The following ANKRD6 variants were observed in gnomAD, a reference collection of about 807,000 sequenced individuals.
ANKRD6 encodes the protein ankyrin repeat domain 6, also known as ankyrin repeat domain-containing protein 6.
ANKRD6 carries 56 observed loss-of-function variants against 82.3 expected under a neutral mutation model. The observed-to-expected ratio is 0.68, with a 90% CI of 0.55 to 0.85. ANKRD6 has a LOEUF of 0.85. Ranked by LOEUF, ANKRD6 falls within the 40% of genes least tolerant of loss-of-function variation. The pLI is 0.00. For synonymous variants in ANKRD6, 347 were observed against 352.1 expected (o/e 0.99, Z 0.16); for missense variants, 852 against 907.6 (o/e 0.94, Z 0.79).
At chr6:89,499,787 T>A (rs1306963918) in intron 1 of ANKRD6, among the ~76,000 whole-genome samples, 1 of 152,004 alleles carries the variant, frequency 6.6e-6, no homozygotes, top group Non-Finnish European at 1.5e-5. Context: ...ACCCTCACGG[T>A]CCCCTTTCCC....
At chr6:89,587,169 C>T (rs4269347) in intron 2 of ANKRD6, among the ~76,000 whole-genome samples, 44,077 of 139,106 alleles carry the variant, frequency 0.32, 7,324 homozygotes, top group East Asian at 0.61. Context: ...CTAGCCTGGG[C>T]GACAGAGTGA....
At chr6:89,614,854 A>AC (rs1554263273) in intron 7 of ANKRD6, among the ~76,000 whole-genome samples, 5 of 149,106 alleles carry the variant, frequency 3.4e-5, no homozygotes, top group South Asian at 4.2e-4. Context: ...AAAAAAAACA[A>AC]AAAAAAAAAC....
At chr6:89,502,279 G>GT (rs1250945327) in intron 1 of ANKRD6, among the ~76,000 whole-genome samples, 1 of 152,054 alleles carries the variant, frequency 6.6e-6, no homozygotes, top group Admixed American at 6.6e-5. Flanking sequence ...CATACTTAAC[G>GT]TAACTATAAT....
At chr6:89,573,275 T>A (rs73752772) in intron 2 of ANKRD6, among the ~76,000 whole-genome samples, 91 of 152,354 alleles carry the variant, frequency 6.0e-4, no homozygotes, top group African/African-American at 2.1e-3. Context: ...AATATATATC[T>A]TATTATTTTT....
intron 1 of ANKRD6, among the ~76,000 whole-genome samples, chr6:89,486,886 C>T (rs777862359): frequency 2.2e-4 from 33 of 152,198 alleles, no homozygotes; most frequent in Non-Finnish European, 2.9e-4. Context: ...ATTGTGAAGG[C>T]TTCACCCTCA....
intron 2 of ANKRD6, among the ~76,000 whole-genome samples, chr6:89,578,381 C>T (rs1410174447): frequency 1.3e-5 from 2 of 149,366 alleles, no homozygotes; most frequent in Admixed American, 1.3e-4. Context: ...CTGTAACCTC[C>T]ACCTCCCGGG....
intron 1 of ANKRD6, chr6:89,483,656 T>C (rs1044691921): frequency 6.6e-6 from 1 of 152,282 alleles, no homozygotes; most frequent in South Asian, 2.1e-4. Context: ...CTCTTTGGAA[T>C]GCGCTCTTTT....
intron 1 of ANKRD6, chr6:89,561,217 C>T (rs1787366277): frequency 6.6e-6 from 1 of 152,240 alleles, no homozygotes. Context: ...ACTGTAACAG[C>T]CTCTATGCCT....
intron 1 of ANKRD6, among the ~76,000 whole-genome samples, chr6:89,475,340 A>G (rs1057416973): frequency 6.6e-6 from 1 of 152,168 alleles, no homozygotes; most frequent in South Asian, 2.1e-4. Flanking sequence ...GACTCATCAC[A>G]TCCCTGTTTT....
At position 89,630,721 on chromosome 6, in the gene ANKRD6, AGCAACCC is replaced by A; in HGVS notation, c.1905_1911del (p.Ser639ProfsTer65). The A allele has an allele frequency of 6.2e-7, 1 of 1,613,942 alleles. No homozygotes were observed. The highest frequency in any genetic ancestry group is 8.5e-7 in the Non-Finnish European group (1 of 1,179,882). The stretch of plus-strand genomic sequence containing the variant: ...AGTGGGCCAACAAGGCATCGTGCCC[AGCAACCC>A]GCAGCCAGCAGCACCTGTGGGCAGC... On this transcript the variant is annotated frameshift_variant, in exon 16 of 16. Coordinates refer to ENST00000339746, the MANE Select transcript of ANKRD6 (RefSeq NM_001242809.2). LOFTEE classifies it high-confidence loss of function.
intron 3 of ANKRD6, among the ~76,000 whole-genome samples, chr6:89,599,185 C>A (rs2128164334): frequency 6.6e-6 from 1 of 152,180 alleles, no homozygotes; most frequent in African/African-American, 2.4e-5. Context: ...CCAGCCTGGG[C>A]AACATGGCAA....
intron 1 of ANKRD6, among the ~76,000 whole-genome samples, chr6:89,558,857 G>A (rs1786995129): frequency 6.6e-6 from 1 of 152,020 alleles, no homozygotes; most frequent in Non-Finnish European, 1.5e-5. Flanking sequence ...TGAACTTTCT[G>A]CCCAATTTTT....
chr6:89,501,957 G>A lies in ANKRD6; in HGVS notation c.-143-64877G>A, dbSNP rs574245009. On this transcript the variant is annotated intron_variant, in intron 1 of 15. Transcript: ENST00000339746. ...TTTTAATGGGTCTGGTTTGTGGATC[G>A]TTTCACCTTCATTGGTTTCCAGCTG... Among the ~76,000 whole-genome samples, 15 of 152,250 alleles carry A rather than the reference G, an allele frequency of 9.9e-5. No homozygotes were observed. In the South Asian group the frequency reaches 1.0e-3, roughly 11 times the overall value.
At chr6:89,609,258 C>T (rs564714396) in intron 5 of ANKRD6, among the ~76,000 whole-genome samples, 4 of 152,286 alleles carry the variant, frequency 2.6e-5, no homozygotes, top group Non-Finnish European at 4.4e-5. Context: ...CCCATTTCTT[C>T]AAAATGCATA....
intron 2 of ANKRD6, among the ~76,000 whole-genome samples, chr6:89,594,645 T>C (rs183280869): frequency 6.6e-6 from 1 of 152,310 alleles, no homozygotes; most frequent in Admixed American, 6.5e-5. Context: ...TGTCAATGAT[T>C]TATTTTTTTT....
At chr6:89,445,686 T>G (rs1771984482) in intron 1 of ANKRD6, among the ~76,000 whole-genome samples, 1 of 152,094 alleles carries the variant, frequency 6.6e-6, no homozygotes. Flanking sequence ...CCTTGTGATC[T>G]GCCCGCCTCG....
chr6:89,494,174 C>T (rs553186238), intron 1 of ANKRD6, among the ~76,000 whole-genome samples: 2 of 152,052 alleles, frequency 1.3e-5, no homozygotes, highest in South Asian at 2.1e-4. Context: ...AAATGAGCGG[C>T]GTTGGTAGCC....
At chr6:89,567,629 A>G (rs1788825062) in intron 2 of ANKRD6, among the ~76,000 whole-genome samples, 1 of 152,228 alleles carries the variant, frequency 6.6e-6, no homozygotes, top group Non-Finnish European at 1.5e-5. Flanking sequence ...AAGATAAGAG[A>G]CCATACTGGC....
chr6:89,497,047 C>G (rs2127866654), intron 1 of ANKRD6, among the ~76,000 whole-genome samples: 1 of 152,306 alleles, frequency 6.6e-6, no homozygotes, highest in East Asian at 1.9e-4. Flanking sequence ...TAAATTCCAA[C>G]TTGTCAGGGA....
Sources: allele counts gnomAD v4.1 joint callset (sites outside exome capture counted in the v4.1 genomes callset), GRCh38; gene constraint gnomAD v4.1.1; transcripts MANE v1.5; gene names NCBI Gene and HGNC (gene_info 2026-07-23, HGNC 2026-07-21).